The following ENTPD1 variants were observed in gnomAD, a reference collection of about 807,000 sequenced individuals.
The protein encoded by ENTPD1 is ectonucleoside triphosphate diphosphohydrolase 1.
Under a neutral mutation model 57.0 loss-of-function variants are expected in ENTPD1, and 33 were observed. That is an observed-to-expected ratio of 0.58 (90% CI 0.44 to 0.77). ENTPD1 has a LOEUF of 0.77. Ranked by LOEUF, ENTPD1 falls within the 30% of genes least tolerant of loss-of-function variation. The pLI, the probability that ENTPD1 is intolerant of heterozygous loss-of-function variation, is 0.00. For synonymous variants in ENTPD1, 202 were observed against 218.8 expected, an observed-to-expected ratio of 0.92 and a Z score of 0.68; for missense variants, 501 against 603.4, an observed-to-expected ratio of 0.83 and a Z score of 1.78.
chr10:95,861,126 G>A (rs2098464542), intron 8 of ENTPD1, among the ~76,000 whole-genome samples: 2 of 152,212 alleles, frequency 1.3e-5, no homozygotes. Flanking sequence ...ACTGCCTCGA[G>A]CTGGGCACAT....
chr10:95,734,586 T>G (rs1004505842), intron 1 of ENTPD1, among the ~76,000 whole-genome samples: 1 of 152,226 alleles, frequency 6.6e-6, no homozygotes, highest in Non-Finnish European at 1.5e-5. Context: ...GAAGGAATGA[T>G]TTTCTCTTGG....
chr10:95,815,718 A>G (rs1343788121), intron 1 of ENTPD1, among the ~76,000 whole-genome samples: 1 of 152,228 alleles, frequency 6.6e-6, no homozygotes, highest in African/African-American at 2.4e-5. Flanking sequence ...AGTAACCTCA[A>G]TTCTTGCCTC....
rs57187898 is a variant in ENTPD1, at chr10:95,743,997, CATATATATATATATATAT to C, written c.37+32025_37+32042del. 5.9e-4 allele frequency among the ~76,000 whole-genome samples: 48 copies of C among 80,994 alleles called. 1 individual carries two copies. The highest frequency in any genetic ancestry group is 6.4e-3 in the Middle Eastern group (1 of 156). 53.1% of individuals were successfully genotyped at this position (80,994 alleles called of 152,430 possible). On this transcript the variant is annotated intron_variant, in intron 1 of 9. Transcript: ENST00000453258. ...AAGAAAATATAGATGTATTTTAAAC[CATATATATATATATATAT>C]ATATATATATATATATATATGCACA... is the stretch of plus-strand genomic sequence containing the variant.
chr10:95,769,818 T>G (rs376679021), intron 1 of ENTPD1, among the ~76,000 whole-genome samples: 21 of 152,258 alleles, frequency 1.4e-4, no homozygotes, highest in African/African-American at 3.9e-4. Context: ...TAGTTGGATT[T>G]AGATGGGAAA....
intron 1 of ENTPD1, among the ~76,000 whole-genome samples, chr10:95,821,416 A>G (rs1030797796): frequency 6.6e-6 from 1 of 152,190 alleles, no homozygotes; most frequent in Non-Finnish European, 1.5e-5. Context: ...ATGTTTGAGG[A>G]TGAAGAGAGA....
At chr10:95,822,544 C>T (rs549159262) in intron 1 of ENTPD1, among the ~76,000 whole-genome samples, 21 of 152,338 alleles carry the variant, frequency 1.4e-4, no homozygotes, top group African/African-American at 4.6e-4. Flanking sequence ...ATCCACCTGC[C>T]TCAGCCTCCC....
At chr10:95,774,232 C>G (rs1292487429) in intron 1 of ENTPD1, among the ~76,000 whole-genome samples, 1 of 152,010 alleles carries the variant, frequency 6.6e-6, no homozygotes, top group Non-Finnish European at 1.5e-5. Flanking sequence ...GGATATTAGC[C>G]CTTTGTCAAA....
chr10:95,810,236 C>T (rs1220877027), intron 1 of ENTPD1, among the ~76,000 whole-genome samples: 14 of 148,958 alleles, frequency 9.4e-5, no homozygotes, highest in African/African-American at 3.2e-4. Flanking sequence ...GGCAGAGGCA[C>T]TCCTCACCTC....
chr10:95,727,463 G>T (rs956854210), intron 1 of ENTPD1, among the ~76,000 whole-genome samples: 1 of 152,112 alleles, frequency 6.6e-6, no homozygotes. Flanking sequence ...CGATCATAAA[G>T]ATTTGTTTCA....
upstream of ENTPD1, among the ~76,000 whole-genome samples, chr10:95,709,745 G>GTTT (rs2097964027): frequency 6.3e-5 from 9 of 143,170 alleles, no homozygotes; most frequent in Admixed American, 6.6e-4. Flanking sequence ...AAGATGCAGT[G>GTTT]TTTTTTGTTG....
Position 95,876,726 on chromosome 10 carries a change from A to G in ENTPD1, c.*10343A>G, listed in dbSNP as rs1333127706. The G allele has an allele frequency of 5.8e-6, 6 of 1,043,216 alleles. No homozygotes were observed. The highest frequency in any genetic ancestry group is 3.6e-5 in the East Asian group (1 of 27,720). The allele number at this position is 1,043,216 out of a possible 1,614,324, so 64.6% of individuals were successfully genotyped here. A position where few individuals can be genotyped will look rare whatever the true frequency, so the allele number is the denominator to read the frequency against. ...AATATTCAAATATTAACCAAAGTAGAAAAATATAATACACATCCATGTGCC... is the reference window on the plus strand; with the variant it reads ...AATATTCAAATATTAACCAAAGTAGGAAAATATAATACACATCCATGTGCC... On this transcript the variant is annotated 3_prime_UTR_variant, in exon 10 of 10. Coordinates refer to ENST00000371205, the MANE Select transcript of ENTPD1 (RefSeq NM_001776.6).
intron 7 of ENTPD1, among the ~76,000 whole-genome samples, chr10:95,849,681 G>T (rs2098441544): frequency 2.0e-5 from 3 of 152,216 alleles, no homozygotes; most frequent in South Asian, 4.1e-4. Context: ...TCCCCTCAAG[G>T]TTCCTGAGGG....
intron 1 of ENTPD1, among the ~76,000 whole-genome samples, chr10:95,818,842 G>A (rs1200165371): frequency 6.6e-6 from 1 of 152,206 alleles, no homozygotes; most frequent in Non-Finnish European, 1.5e-5. Flanking sequence ...ATTAGGCTAT[G>A]TAAACACAGG....
upstream of ENTPD1, among the ~76,000 whole-genome samples, chr10:95,752,208 C>T (rs11593044): frequency 0.27 from 40,708 of 151,650 alleles, 6,261 homozygotes; most frequent in Admixed American, 0.38. Flanking sequence ...CGGTGAGAAA[C>T]GGGAATGCAA....
intron 1 of ENTPD1, among the ~76,000 whole-genome samples, chr10:95,818,960 A>T (rs1281364570): frequency 1.3e-5 from 2 of 152,228 alleles, no homozygotes; most frequent in African/African-American, 4.8e-5. Flanking sequence ...CTCATAACAA[A>T]TTGGAAACAA....
At chr10:95,858,076 T>A (rs1331929136) in intron 7 of ENTPD1, among the ~76,000 whole-genome samples, 1 of 149,956 alleles carries the variant, frequency 6.7e-6, no homozygotes, top group Non-Finnish European at 1.5e-5. Context: ...GAGAATGGCG[T>A]GAACCCGGAC....
chr10:95,803,843 A>G (rs994818361), intron 1 of ENTPD1, among the ~76,000 whole-genome samples: 16 of 152,238 alleles, frequency 1.1e-4, no homozygotes, highest in African/African-American at 3.9e-4. Context: ...TAGGTCTAAC[A>G]TTTAAGTCTT....
At chr10:95,717,919 G>A (rs970837247) in intron 1 of ENTPD1, among the ~76,000 whole-genome samples, 13 of 152,194 alleles carry the variant, frequency 8.5e-5, no homozygotes, top group African/African-American at 3.1e-4. Flanking sequence ...AGAACGATTT[G>A]TAATTTTACA....
chr10:95,725,557 G>C (rs1346151518), intron 1 of ENTPD1, among the ~76,000 whole-genome samples: 2 of 152,088 alleles, frequency 1.3e-5, no homozygotes, highest in Admixed American at 6.6e-5. Context: ...TGATACCTCT[G>C]CTCAGCTTTT....
Sources: allele counts gnomAD v4.1 joint callset (sites outside exome capture counted in the v4.1 genomes callset), GRCh38; gene constraint gnomAD v4.1.1; transcripts MANE v1.5; gene names NCBI Gene and HGNC (gene_info 2026-07-23, HGNC 2026-07-21).